Variants in SAMMSON observed in about 807,000 individuals in gnomAD.
SAMMSON encodes the protein long intergenic non-protein coding RNA 1212.
chr3:70,355,749 G>A (rs967598821), intron 8 of SAMMSON, among the ~76,000 whole-genome samples: 1 of 152,100 alleles, frequency 6.6e-6, no homozygotes, highest in Non-Finnish European at 1.5e-5. Flanking sequence ...CAGATTAAAA[G>A]TATCCACTGA....
chr3:70,071,363 G>T (rs373838847), intron 3 of SAMMSON: 3 of 152,042 alleles, frequency 2.0e-5, no homozygotes, highest in Admixed American at 6.6e-5. Flanking sequence ...TCTATGAACC[G>T]AAAGAAATAG....
At chr3:70,200,567 C>A (rs1701227413) in intron 4 of SAMMSON, among the ~76,000 whole-genome samples, 1 of 152,168 alleles carries the variant, frequency 6.6e-6, no homozygotes. Context: ...AAACACCTTC[C>A]CTTTAAATCA....
chr3:70,342,754 T>C (rs805469), intron 7 of SAMMSON, among the ~76,000 whole-genome samples: 20,506 of 152,228 alleles, frequency 0.13, 1,479 homozygotes, highest in South Asian at 0.18. Context: ...GAAGTCATTA[T>C]TGGTGATGCC....
At chr3:70,243,774 G>A (rs565481736) in intron 4 of SAMMSON, among the ~76,000 whole-genome samples, 2 of 152,278 alleles carry the variant, frequency 1.3e-5, no homozygotes, top group South Asian at 4.1e-4. Context: ...CTGGCATGAT[G>A]TAAAGGAATT....
chr3:70,421,602 C>T (rs182029412), intron 2 of SAMMSON, among the ~76,000 whole-genome samples: 28 of 152,138 alleles, frequency 1.8e-4, no homozygotes, highest in Admixed American at 1.7e-3. Context: ...AATTAGAACC[C>T]ACAGAACTGG....
chr3:70,297,292 C>G (rs971312659), intron 7 of SAMMSON, among the ~76,000 whole-genome samples: 2 of 151,962 alleles, frequency 1.3e-5, no homozygotes, highest in Admixed American at 6.6e-5. Flanking sequence ...TATCTGTTTA[C>G]TTAAATAAGC....
At chr3:70,226,545 C>G (rs1037941437) in intron 4 of SAMMSON, among the ~76,000 whole-genome samples, 11 of 151,922 alleles carry the variant, frequency 7.2e-5, no homozygotes, top group Admixed American at 6.6e-4. Flanking sequence ...CGAGACCAGC[C>G]TTGCCAACAT....
intron 4 of SAMMSON, among the ~76,000 whole-genome samples, chr3:70,145,072 C>T (rs925304195): frequency 6.6e-6 from 1 of 152,098 alleles, no homozygotes; most frequent in Non-Finnish European, 1.5e-5. Context: ...CTGCTTTGCT[C>T]CCTTCTTCTT....
At chr3:70,325,028 GTTC>G (rs1702568680) in intron 7 of SAMMSON, among the ~76,000 whole-genome samples, 1 of 152,014 alleles carries the variant, frequency 6.6e-6, no homozygotes, top group Admixed American at 6.6e-5. Context: ...GCTTAGAGTG[GTTC>G]TTAACTCCGG....
intron 4 of SAMMSON, among the ~76,000 whole-genome samples, chr3:70,102,099 A>G (rs1031502817): frequency 6.6e-6 from 1 of 152,194 alleles, no homozygotes; most frequent in African/African-American, 2.4e-5. Flanking sequence ...TGAGCATTCA[A>G]CGGAGGAAAC....
At chr3:70,151,251 T>G (rs997020706) in intron 4 of SAMMSON, among the ~76,000 whole-genome samples, 1 of 152,012 alleles carries the variant, frequency 6.6e-6, no homozygotes, top group Non-Finnish European at 1.5e-5. Context: ...ACCAGGAATC[T>G]GGGAAGAGAC....
chr3:70,129,069 C>T (rs1384760038), intron 4 of SAMMSON, among the ~76,000 whole-genome samples: 1 of 152,070 alleles, frequency 6.6e-6, no homozygotes, highest in South Asian at 2.1e-4. Flanking sequence ...TTAAAAATAA[C>T]AGAAAAGAGC....
chr3:70,408,387 C>A (rs1701193180), intron 2 of SAMMSON, among the ~76,000 whole-genome samples: 2 of 152,202 alleles, frequency 1.3e-5, no homozygotes, highest in Non-Finnish European at 2.9e-5. Context: ...TTATGCTCTG[C>A]TTTCCTTATA....
At chr3:70,418,999 C>CTCTCTCTCTCTCTCTCTCTT (rs1553664169) in intron 2 of SAMMSON, among the ~76,000 whole-genome samples, 1 of 119,294 alleles carries the variant, frequency 8.4e-6, no homozygotes, top group African/African-American at 3.5e-5. Context: ...CTCTCTCTCT[C>CTCTCTCTCTCTCTCTCTCTT]TCTTTCTTTC....
At chr3:70,143,252 T>C (rs946379792) in intron 4 of SAMMSON, among the ~76,000 whole-genome samples, 1 of 151,298 alleles carries the variant, frequency 6.6e-6, no homozygotes, top group African/African-American at 2.4e-5. Flanking sequence ...ATGTACAACA[T>C]CAGTCTTTCA....
At chr3:70,318,880 A>C (rs188354126) in intron 7 of SAMMSON, among the ~76,000 whole-genome samples, 3 of 152,098 alleles carry the variant, frequency 2.0e-5, no homozygotes, top group South Asian at 2.1e-4. Flanking sequence ...CTTAGGATGT[A>C]GTTCATGCTT....
At chr3:70,419,567 G>A (rs1191897310) in intron 2 of SAMMSON, among the ~76,000 whole-genome samples, 2 of 152,118 alleles carry the variant, frequency 1.3e-5, no homozygotes, top group South Asian at 2.1e-4. Context: ...CAATTCCAGG[G>A]CATAGGTTAT....
chr3:70,062,930 A>T (rs1192328792), intron 3 of SAMMSON, among the ~76,000 whole-genome samples: 1 of 152,060 alleles, frequency 6.6e-6, no homozygotes, highest in Non-Finnish European at 1.5e-5. Flanking sequence ...TATCTTCAGA[A>T]ATACAGTATT....
Position 70,411,778 on chromosome 3 carries a change from C to A in SAMMSON, n.234-50782C>A, listed in dbSNP as rs762886439. Among the ~76,000 whole-genome samples, 122 of 152,186 alleles carry A rather than the reference C, an allele frequency of 8.0e-4. 1 individual carries two copies. The highest frequency in any genetic ancestry group is 7.9e-4 in the Non-Finnish European group (54 of 68,030). ...GCCTTTGCACCTCCTTTGCCTTCTG[C>A]TATGATTGTGAGGTCTCCCCAGCCA... On this transcript the variant is annotated intron_variant and non_coding_transcript_variant, in intron 2 of 3. Transcript: ENST00000641053.
Sources: gnomAD v4.1 joint callset for allele counts (sites outside exome capture counted in the v4.1 genomes callset) on GRCh38, gnomAD v4.1.1 for gene constraint, MANE v1.5 for transcripts, NCBI Gene and HGNC (gene_info 2026-07-23, HGNC 2026-07-21) for gene names.